The following ZSCAN5A variants were observed in gnomAD, a reference collection of about 807,000 sequenced individuals.
The protein encoded by ZSCAN5A is zinc finger and SCAN domain-containing protein 5A.
Under a neutral mutation model 23.7 loss-of-function variants are expected in ZSCAN5A, and 12 were observed. That is an observed-to-expected ratio of 0.51 (90% CI 0.32 to 0.82). The LOEUF (loss-of-function observed/expected upper bound fraction) is 0.82, where lower values mean the gene tolerates loss of function less well. ZSCAN5A is among the 40% of genes least tolerant of loss of function. The pLI is 0.03. For synonymous variants in ZSCAN5A, 257 were observed against 239.9 expected (o/e 1.07, Z -0.66); for missense variants, 597 against 617.9 (o/e 0.97, Z 0.36).
At chr19:56,251,581 AG>A (rs2036347406) in intron 2 of ZSCAN5A, among the ~76,000 whole-genome samples, 7 of 152,152 alleles carry the variant, frequency 4.6e-5, no homozygotes, top group Admixed American at 3.9e-4. Context: ...TGTGTTTTAC[AG>A]GGTCTTATTC....
At chr19:56,336,077 T>C (rs1293228172) in intron 2 of ZSCAN5A, among the ~76,000 whole-genome samples, 1 of 152,248 alleles carries the variant, frequency 6.6e-6, no homozygotes. Context: ...GTTGCTCTTC[T>C]CAAGGAGTAT....
At chr19:56,362,288 C>G (rs911628780) in intron 2 of ZSCAN5A, among the ~76,000 whole-genome samples, 4 of 151,842 alleles carry the variant, frequency 2.6e-5, no homozygotes, top group African/African-American at 9.7e-5. Context: ...AACATTATGC[C>G]GGGCACTATG....
At chr19:56,234,720 G>A (rs1038574737) in intron 2 of ZSCAN5A, among the ~76,000 whole-genome samples, 11 of 152,102 alleles carry the variant, frequency 7.2e-5, no homozygotes, top group Admixed American at 5.9e-4. Context: ...CCCCTGTCAC[G>A]TACCCCTTGC....
At chr19:56,292,684 A>C (rs55969042) in intron 2 of ZSCAN5A, among the ~76,000 whole-genome samples, 21,445 of 151,734 alleles carry the variant, frequency 0.14, 1,528 homozygotes, top group Middle Eastern at 0.26. Flanking sequence ...TCACTGCCCC[A>C]CCAAAAAAAA....
intron 2 of ZSCAN5A, among the ~76,000 whole-genome samples, chr19:56,293,290 C>T (rs185429146): frequency 1.1e-4 from 16 of 152,254 alleles, no homozygotes; most frequent in Non-Finnish European, 2.1e-4. Flanking sequence ...GAGGGAGAGT[C>T]GCTTGCTCAT....
At chr19:56,286,947 T>A (rs911727853) in intron 2 of ZSCAN5A, among the ~76,000 whole-genome samples, 4 of 152,268 alleles carry the variant, frequency 2.6e-5, no homozygotes, top group African/African-American at 9.6e-5. Flanking sequence ...GTCTGTTTTC[T>A]TCCCGGTAAA....
chr19:56,298,575 C>T (rs945015657), intron 2 of ZSCAN5A, among the ~76,000 whole-genome samples: 2 of 151,518 alleles, frequency 1.3e-5, no homozygotes. Flanking sequence ...ATCACTTGAA[C>T]CTGGGAGGCG....
At chr19:56,292,527 ATCC>A (rs1471885485) in intron 2 of ZSCAN5A, among the ~76,000 whole-genome samples, 1 of 149,980 alleles carries the variant, frequency 6.7e-6, no homozygotes, top group Non-Finnish European at 1.5e-5. Flanking sequence ...GGCTCAAGCA[ATCC>A]TCCTACCTCA....
chr19:56,330,831 A>AT (rs34978960), intron 2 of ZSCAN5A, among the ~76,000 whole-genome samples: 14,785 of 151,976 alleles, frequency 0.097, 767 homozygotes, highest in South Asian at 0.16. Flanking sequence ...CCAATTTGTC[A>AT]TTTTTTTGTT....
chr19:56,232,453 G>A (rs1469119515), intron 2 of ZSCAN5A, among the ~76,000 whole-genome samples: 1 of 151,804 alleles, frequency 6.6e-6, no homozygotes, highest in African/African-American at 2.4e-5. Context: ...TGGGCCCTTT[G>A]GATATGAGTT....
chr19:56,287,407 T>G (rs2039206304), intron 2 of ZSCAN5A, among the ~76,000 whole-genome samples: 1 of 152,072 alleles, frequency 6.6e-6, no homozygotes, highest in Admixed American at 6.6e-5. Flanking sequence ...CCTTCCCGCC[T>G]CTCCTCCCTC....
intron 2 of ZSCAN5A, among the ~76,000 whole-genome samples, chr19:56,362,157 C>CAA (rs71184352): frequency 1.2e-4 from 11 of 91,030 alleles, no homozygotes; most frequent in Non-Finnish European, 2.2e-4. Context: ...GACTCCGTCT[C>CAA]AAAAAAAAAA....
intron 2 of ZSCAN5A, among the ~76,000 whole-genome samples, chr19:56,333,977 G>A (rs2041512934): frequency 6.6e-6 from 1 of 152,150 alleles, no homozygotes; most frequent in Non-Finnish European, 1.5e-5. Flanking sequence ...AAATCTGAAT[G>A]TTGTGACACC....
Position 56,251,974 on chromosome 19 carries a change from T to G in ZSCAN5A, c.-127-26801A>C, listed in dbSNP as rs368632550. ...CTAAAATATATATTCTCTGCTCCTT[T>G]GTGGAAAAAAGCTTTCTGACCTCCA... On this transcript the variant is annotated intron_variant, in intron 2 of 5. Coordinates refer to ENST00000683990, the MANE Select transcript of ZSCAN5A (RefSeq NM_001322064.3). 3.9e-5 allele frequency among the ~76,000 whole-genome samples: 6 copies of G among 152,340 alleles called. No homozygotes were observed. In the East Asian group the frequency reaches 1.2e-3, roughly 29 times the overall value.
At chr19:56,229,275 T>G (rs1240499359) in intron 2 of ZSCAN5A, among the ~76,000 whole-genome samples, 1 of 152,220 alleles carries the variant, frequency 6.6e-6, no homozygotes, top group Non-Finnish European at 1.5e-5. Flanking sequence ...ACACTGATTC[T>G]GGTTTAAATC....
At position 56,237,984 on chromosome 19, in the gene ZSCAN5A, CAT is replaced by C. The variant is rs1454925324; in HGVS notation, c.-127-12813_-127-12812del. Among the ~76,000 whole-genome samples, 109 of 78,892 alleles carry C rather than the reference CAT, an allele frequency of 1.4e-3. 9 individuals carry two copies. Among genetic ancestry groups the C allele is most frequent in the Admixed American group, 2.1e-3 (15 of 7,074 alleles). 51.8% of individuals were successfully genotyped at this position (78,892 alleles called of 152,430 possible). ...CACCACAGACACACGGACACACACA[CAT>C]ACACACATACGCACACATACACACA... On this transcript the variant is annotated intron_variant, in intron 2 of 5. Coordinates refer to ENST00000683990, the MANE Select transcript of ZSCAN5A (RefSeq NM_001322064.3).
At chr19:56,346,169 G>A (rs2041631019) in intron 2 of ZSCAN5A, among the ~76,000 whole-genome samples, 1 of 150,814 alleles carries the variant, frequency 6.6e-6, no homozygotes, top group Admixed American at 6.6e-5. Context: ...AAAAGGTAGA[G>A]TTGATAAAAC....
chr19:56,262,372 T>C (rs906477740), intron 2 of ZSCAN5A, among the ~76,000 whole-genome samples: 1 of 151,866 alleles, frequency 6.6e-6, no homozygotes, highest in Non-Finnish European at 1.5e-5. Context: ...TAGAGTTTCA[T>C]AAAAGTTGTA....
intron 2 of ZSCAN5A, among the ~76,000 whole-genome samples, chr19:56,291,521 C>T (rs1001456189): frequency 1.3e-5 from 2 of 152,234 alleles, no homozygotes; most frequent in Admixed American, 1.3e-4. Context: ...AGGAAGAAGG[C>T]GTTATTAATT....
Sources: allele counts gnomAD v4.1 joint callset (sites outside exome capture counted in the v4.1 genomes callset), GRCh38; gene constraint gnomAD v4.1.1; transcripts MANE v1.5; gene names NCBI Gene and HGNC (gene_info 2026-07-23, HGNC 2026-07-21).